BMPR1A: variants seen among roughly 807,000 people sequenced by gnomAD.
BMPR1A encodes bone morphogenetic protein receptor type 1A.
Under a neutral mutation model 66.0 loss-of-function variants are expected in BMPR1A, and 7 were observed. The ratio of observed to expected loss-of-function variants is 0.11; its 90% CI spans 0.06 to 0.20. The LOEUF (loss-of-function observed/expected upper bound fraction) is 0.20. Among genes scored for constraint, BMPR1A ranks in the 10% least tolerant of loss-of-function variants. The pLI is 1.00. For missense variants in BMPR1A, 408 were observed against 669.1 expected (o/e 0.61, Z 4.31); for synonymous variants, 200 against 229.7 (o/e 0.87, Z 1.17).
chr10:86,889,735 T>C (rs1827064074), intron 3 of BMPR1A: 1 of 268,462 alleles, frequency 3.7e-6, no homozygotes, highest in Admixed American at 5.1e-5. Context: ...TTTTCCCTGG[T>C]TAAATTAAAA....
intron 1 of BMPR1A, among the ~76,000 whole-genome samples, chr10:86,773,073 G>C (rs1239088106): frequency 6.6e-6 from 1 of 151,558 alleles, no homozygotes; most frequent in Non-Finnish European, 1.5e-5. Context: ...TAGGGGTGGG[G>C]GTATCTGAAT....
intron 1 of BMPR1A, among the ~76,000 whole-genome samples, chr10:86,785,422 C>T (rs1346616435): frequency 2.6e-5 from 4 of 152,226 alleles, no homozygotes; most frequent in Non-Finnish European, 5.9e-5. Context: ...TCTCCTGCCT[C>T]ACCTTCCCGA....
chr10:86,828,952 A>G (rs988582893), intron 1 of BMPR1A, among the ~76,000 whole-genome samples: 7 of 152,186 alleles, frequency 4.6e-5, no homozygotes, highest in African/African-American at 1.7e-4. Flanking sequence ...GGGAAGGATA[A>G]ATTGCAAAAG....
At chr10:86,876,459 A>G (rs1842922910) in intron 3 of BMPR1A, among the ~76,000 whole-genome samples, 1 of 152,216 alleles carries the variant, frequency 6.6e-6, no homozygotes, top group Non-Finnish European at 1.5e-5. Flanking sequence ...TTTAAAATAC[A>G]ATAAGGAGCA....
chr10:86,883,220 A>G (rs566288827), intron 3 of BMPR1A, among the ~76,000 whole-genome samples: 1 of 151,946 alleles, frequency 6.6e-6, no homozygotes, highest in South Asian at 2.1e-4. Flanking sequence ...TGGGCACGTT[A>G]GCTCATGCCT....
chr10:86,773,128 C>CTGT (rs10634919), intron 1 of BMPR1A, among the ~76,000 whole-genome samples: 8 of 113,238 alleles, frequency 7.1e-5, no homozygotes, highest in South Asian at 2.5e-4. Context: ...TTCTAGTTAT[C>CTGT]TTTTTTTTTT....
chr10:86,835,250 A>G (rs943489577), intron 1 of BMPR1A, among the ~76,000 whole-genome samples: 4 of 67,222 alleles, frequency 6.0e-5, no homozygotes, highest in African/African-American at 1.6e-4. Flanking sequence ...AGAAAAAAAG[A>G]AAAAAAAAAA....
intron 2 of BMPR1A, among the ~76,000 whole-genome samples, chr10:86,875,468 G>T (rs1842909856): frequency 6.6e-6 from 1 of 152,132 alleles, no homozygotes; most frequent in Admixed American, 6.5e-5. Context: ...AAGACTTAGG[G>T]TGTTTTCATT....
chr10:86,928,327 A>G (rs1843776131), downstream of BMPR1A: 1 of 150,946 alleles, frequency 6.6e-6, no homozygotes, highest in South Asian at 2.1e-4. Flanking sequence ...GGTTCAAGCA[A>G]TTCTCCTGCC....
intron 11 of BMPR1A, among the ~76,000 whole-genome samples, chr10:86,922,108 A>C (rs1843673809): frequency 6.6e-6 from 1 of 151,942 alleles, no homozygotes; most frequent in Admixed American, 6.6e-5. Flanking sequence ...CCATGAGTTC[A>C]GTTGTTTTGA....
At chr10:86,820,652 T>G (rs1019260665) in intron 1 of BMPR1A, among the ~76,000 whole-genome samples, 2 of 152,200 alleles carry the variant, frequency 1.3e-5, no homozygotes, top group African/African-American at 2.4e-5. Flanking sequence ...ATACTGCCAT[T>G]ACCTCAGAGC....
At chr10:86,775,253 C>A (rs1322668151) in intron 1 of BMPR1A, among the ~76,000 whole-genome samples, 2 of 152,218 alleles carry the variant, frequency 1.3e-5, no homozygotes, top group Non-Finnish European at 1.5e-5. Context: ...GGTTCCTGTA[C>A]ACCAGCAATA....
chr10:86,772,527 C>T (rs1841281465), intron 1 of BMPR1A, among the ~76,000 whole-genome samples: 1 of 151,866 alleles, frequency 6.6e-6, no homozygotes, highest in African/African-American at 2.4e-5. Flanking sequence ...TTATTTGTAT[C>T]GTTTCATAGA....
chr10:86,767,722 C>A (rs1841190297), intron 1 of BMPR1A, among the ~76,000 whole-genome samples: 1 of 151,436 alleles, frequency 6.6e-6, no homozygotes, highest in Non-Finnish European at 1.5e-5. Context: ...TTGAGAATAG[C>A]TTTTTTTTCC....
chr10:86,923,566 G>A, intron 12 of BMPR1A, 28 bp from the exon 13 acceptor site: 2 of 1,614,206 alleles, frequency 1.2e-6, no homozygotes, highest in Non-Finnish European at 1.7e-6. Context: ...TATATTCTCT[G>A]CTCACTGAAC....
At position 86,890,114 on chromosome 10, in the gene BMPR1A, C is replaced by A. The variant is rs1843125913; in HGVS notation, c.120C>A (p.Asp40Glu). The A allele has an allele frequency of 6.2e-7, 1 of 1,613,908 alleles. No homozygotes were observed. Among genetic ancestry groups the A allele is most frequent in the Middle Eastern group, 1.7e-4 (1 of 5,930 alleles). Residue 40 changes from aspartate (D) to glutamate (E), a missense_variant, in exon 4 of 13, where the codon GAC (aspartate) becomes GAA (glutamate). Transcript: ENST00000372037. ...LHGTGMKSDS[D>E]QKKSENGVTL... ...GCACTGGGATGAAATCAGACTCCGA[C>A]CAGAAAAAGTCAGAAAATGGAGTAA... is the stretch of plus-strand genomic sequence containing the variant.
chr10:86,847,232 C>G (rs1305393427), intron 2 of BMPR1A, among the ~76,000 whole-genome samples: 1 of 152,130 alleles, frequency 6.6e-6, no homozygotes, highest in African/African-American at 2.4e-5. Flanking sequence ...GAGCATGCCA[C>G]AAGGTTTTCA....
At chr10:86,870,890 G>A (rs1842846437) in intron 2 of BMPR1A, among the ~76,000 whole-genome samples, 1 of 151,638 alleles carries the variant, frequency 6.6e-6, no homozygotes, top group Non-Finnish European at 1.5e-5. Context: ...GTTTGCTTTT[G>A]CTATTATCCC....
chr10:86,888,243 C>G (rs1212639969), intron 3 of BMPR1A, among the ~76,000 whole-genome samples: 1 of 150,836 alleles, frequency 6.6e-6, no homozygotes, highest in Non-Finnish European at 1.5e-5. Context: ...GCAAGTGGAT[C>G]ACTTGAGGTC....
Sources: allele counts gnomAD v4.1 joint callset (sites outside exome capture counted in the v4.1 genomes callset), GRCh38; gene constraint gnomAD v4.1.1; transcripts MANE v1.5; gene names NCBI Gene and HGNC (gene_info 2026-07-23, HGNC 2026-07-21).